The following ST3GAL3 variants were observed in gnomAD, a reference collection of about 807,000 sequenced individuals.
ST3GAL3 encodes CMP-N-acetylneuraminate-beta-1,4-galactoside alpha-2,3-sialyltransferase.
In ST3GAL3, 21 loss-of-function variants were observed where a neutral mutation model predicts 50.1. That is an observed-to-expected ratio of 0.42 (90% CI 0.30 to 0.60). The LOEUF is 0.60. Among genes scored for constraint, ST3GAL3 ranks in the 20% least tolerant of loss-of-function variants. ST3GAL3 has a pLI of 0.19. For synonymous variants in ST3GAL3, 183 were observed against 190.0 expected (o/e 0.96, Z 0.30); for missense variants, 353 against 489.4 (o/e 0.72, Z 2.63).
chr1:43,824,763 G>T (rs1429887145), intron 4 of ST3GAL3: 2 of 1,612,348 alleles, frequency 1.2e-6, no homozygotes, highest in Non-Finnish European at 1.7e-6. Flanking sequence ...GTGGTTTTTG[G>T]CCTTGACTGC....
intron 2 of ST3GAL3, among the ~76,000 whole-genome samples, chr1:43,743,165 T>C (rs1558100468): frequency 6.7e-6 from 1 of 150,220 alleles, no homozygotes; most frequent in Non-Finnish European, 1.5e-5. Flanking sequence ...CCATACTTAC[T>C]CATCTGAAGG....
chr1:43,725,377 A>G (rs1207229008), intron 1 of ST3GAL3, among the ~76,000 whole-genome samples: 1 of 151,790 alleles, frequency 6.6e-6, no homozygotes, highest in Non-Finnish European at 1.5e-5. Context: ...CTAATTTTGT[A>G]TTTTTAGTGG....
chr1:43,819,146 T>A (rs2061769500), intron 4 of ST3GAL3: 2 of 152,156 alleles, frequency 1.3e-5, no homozygotes, highest in Admixed American at 6.5e-5. Flanking sequence ...CAGGCTGGAG[T>A]GTAATGGTGC....
At chr1:43,847,965 C>A (rs1415674764) in intron 5 of ST3GAL3, among the ~76,000 whole-genome samples, 1 of 152,104 alleles carries the variant, frequency 6.6e-6, no homozygotes, top group African/African-American at 2.4e-5. Flanking sequence ...TCTTGTGGGG[C>A]AGGTCCGATG....
At chr1:43,917,753 C>G (rs2082319021) in intron 9 of ST3GAL3, among the ~76,000 whole-genome samples, 1 of 141,134 alleles carries the variant, frequency 7.1e-6, no homozygotes, top group South Asian at 2.1e-4. Context: ...ACTGCGACCT[C>G]TGTCCCCAGG....
intron 5 of ST3GAL3, among the ~76,000 whole-genome samples, chr1:43,847,548 G>T (rs920205989): frequency 2.0e-5 from 3 of 152,186 alleles, no homozygotes; most frequent in Non-Finnish European, 4.4e-5. Context: ...AACAAATATT[G>T]TGTGATTCCA....
intron 2 of ST3GAL3, among the ~76,000 whole-genome samples, chr1:43,766,356 A>G (rs1692965408): frequency 6.6e-6 from 1 of 152,224 alleles, no homozygotes; most frequent in African/African-American, 2.4e-5. Flanking sequence ...GGAAGTAACC[A>G]AGGACAAGAC....
chr1:43,767,874 A>T (rs1481075620), intron 2 of ST3GAL3, among the ~76,000 whole-genome samples: 1 of 152,102 alleles, frequency 6.6e-6, no homozygotes, highest in Non-Finnish European at 1.5e-5. Flanking sequence ...GTATGATGCT[A>T]CTATAACCTA....
At chr1:43,900,399 G>C (rs1224273536) in intron 9 of ST3GAL3, among the ~76,000 whole-genome samples, 2 of 152,186 alleles carry the variant, frequency 1.3e-5, no homozygotes, top group East Asian at 3.9e-4. Context: ...CATTTCTTTA[G>C]GGAGCTTATG....
chr1:43,722,134 A>G (rs1393581894), intron 1 of ST3GAL3, among the ~76,000 whole-genome samples: 1 of 152,184 alleles, frequency 6.6e-6, no homozygotes, highest in Admixed American at 6.5e-5. Context: ...GGGAAACCTA[A>G]CCTAAAGCCT....
chr1:43,899,734 T>A lies in ST3GAL3; in HGVS notation c.744+7T>A. 1 of 1,613,532 alleles carries A rather than the reference T, an allele frequency of 6.2e-7. No individual in the cohort carries two copies. ...CGTCTACAAGGAGAGAGTGGTAAGC[T>A]CTCCTGGCACCAGCTTCTTCCCCTC... On this transcript the variant is annotated splice_region_variant and intron_variant, in intron 9 of 11. Transcript: ENST00000347631. This position sits in a 1 kb window ranked among gnomAD's most constrained non-coding sequence, Gnocchi z 5.4.
intron 5 of ST3GAL3, among the ~76,000 whole-genome samples, chr1:43,889,090 T>C (rs1477247011): frequency 2.0e-5 from 3 of 152,074 alleles, no homozygotes; most frequent in Non-Finnish European, 4.4e-5. Flanking sequence ...TTATTGAGTA[T>C]GTAATTATAA....
At chr1:43,775,691 A>G (rs1696951407) in intron 2 of ST3GAL3, among the ~76,000 whole-genome samples, 1 of 152,190 alleles carries the variant, frequency 6.6e-6, no homozygotes, top group African/African-American at 2.4e-5. Context: ...AGGAATTCTA[A>G]TTCAAAGATT....
At chr1:43,891,459 C>A (rs1206636526) in intron 5 of ST3GAL3, among the ~76,000 whole-genome samples, 1 of 152,184 alleles carries the variant, frequency 6.6e-6, no homozygotes, top group Non-Finnish European at 1.5e-5. Flanking sequence ...ATCCCAGCTA[C>A]TCGGGAGGCT....
At chr1:43,821,626 T>G (rs756854517) in intron 4 of ST3GAL3, among the ~76,000 whole-genome samples, 1 of 152,148 alleles carries the variant, frequency 6.6e-6, no homozygotes, top group Non-Finnish European at 1.5e-5. Context: ...AACTAGAATG[T>G]GAGACTGGTG....
At chr1:43,864,700 G>A (rs1002194955) in intron 5 of ST3GAL3, among the ~76,000 whole-genome samples, 1 of 152,172 alleles carries the variant, frequency 6.6e-6, no homozygotes, top group Non-Finnish European at 1.5e-5. Flanking sequence ...GACTGAGGAA[G>A]GTAATGCTTG....
At chr1:43,765,969 A>G (rs910201063) in intron 2 of ST3GAL3, among the ~76,000 whole-genome samples, 1 of 152,096 alleles carries the variant, frequency 6.6e-6, no homozygotes, top group Admixed American at 6.5e-5. Flanking sequence ...AGGGAAGCAC[A>G]TGAGCTTCTC....
At chr1:43,873,028 A>C (rs1424181864) in intron 5 of ST3GAL3, among the ~76,000 whole-genome samples, 1 of 152,208 alleles carries the variant, frequency 6.6e-6, no homozygotes, top group Non-Finnish European at 1.5e-5. Flanking sequence ...AGATGAAGTA[A>C]GAAAGAGAAA....
At chr1:43,815,514 CCT>C (rs2061126027) in intron 4 of ST3GAL3, among the ~76,000 whole-genome samples, 1 of 152,194 alleles carries the variant, frequency 6.6e-6, no homozygotes, top group African/African-American at 2.4e-5. Context: ...AAATTTTCTA[CCT>C]CTGTTACAGT....
Sources: allele counts gnomAD v4.1 joint callset (sites outside exome capture counted in the v4.1 genomes callset), GRCh38; gene constraint gnomAD v4.1.1; non-coding constraint Gnocchi (gnomAD v3.1); transcripts MANE v1.5; gene names NCBI Gene and HGNC (gene_info 2026-07-23, HGNC 2026-07-21).